NELFB: variants seen among roughly 807,000 people sequenced by gnomAD.
NELFB encodes the protein negative elongation factor complex member B.
In NELFB, 34 loss-of-function variants were observed where a neutral mutation model predicts 60.2. That is an observed-to-expected ratio of 0.56 (90% CI 0.43 to 0.75). The LOEUF (loss-of-function observed/expected upper bound fraction) is 0.75, where lower values mean the gene tolerates loss of function less well. Ranked by LOEUF, NELFB falls within the 30% of genes least tolerant of loss-of-function variation. The pLI, the probability that NELFB is intolerant of heterozygous loss-of-function variation, is 0.00. For synonymous variants in NELFB, 459 were observed against 382.1 expected (o/e 1.20, Z -2.35); for missense variants, 770 against 831.6 (o/e 0.93, Z 0.91).
At chr9:137,259,355 C>G (rs971093216) in intron 4 of NELFB, among the ~76,000 whole-genome samples, 2 of 152,244 alleles carry the variant, frequency 1.3e-5, no homozygotes, top group African/African-American at 2.4e-5. Flanking sequence ...TGGTTCCTGA[C>G]CATGTGCGTG....
Position 137,256,857 on chromosome 9 carries a change from G to T in NELFB, c.544G>T (p.Asp182Tyr). 6.2e-7 allele frequency: 1 copy of T among 1,614,192 alleles called. No individual in the cohort carries two copies. The highest frequency in any genetic ancestry group is 8.5e-7 in the Non-Finnish European group (1 of 1,180,050). The change falls in exon 4 of 13, where the codon GAC becomes TAC. Residue 182 changes from aspartate (D) to tyrosine (Y), a missense_variant. Asp to Tyr is a radical substitution (Grantham distance 160, BLOSUM62 -3). Coordinates refer to ENST00000343053, the MANE Select transcript of NELFB (RefSeq NM_015456.5). ...GAAAAAACTGAAGCTGGTTATGGCT[G>T]ACAAGGAGCTGTATCGAGCCTGCGC...
At position 137,255,484 on chromosome 9, in the gene NELFB, G is replaced by C. The variant is rs1315276380; in HGVS notation, c.119G>C (p.Ser40Thr). 2 of 1,524,774 alleles carry C rather than the reference G, an allele frequency of 1.3e-6. No homozygotes were observed. Among genetic ancestry groups the C allele is most frequent in the African/African-American group, 2.9e-5 (2 of 69,828 alleles). 94.5% of individuals were successfully genotyped at this position (1,524,774 alleles called of 1,614,324 possible). Residue 40 changes from serine (S) to threonine (T), a missense_variant, in exon 1 of 13, where the codon AGC becomes ACC. Physicochemically the swap from Ser to Thr is moderately conservative, Grantham distance 58. Coordinates refer to ENST00000343053, the MANE Select transcript of NELFB (RefSeq NM_015456.5). Reference sequence around the variant, plus strand: ...GAACGGGCTGGGGATGGGGCGCCTAGCCGGGCGGTGGCCGGGGCCTCGGCC... The same window carrying C: ...GAACGGGCTGGGGATGGGGCGCCTACCCGGGCGGTGGCCGGGGCCTCGGCC...
intron 6 of NELFB, among the ~76,000 whole-genome samples, chr9:137,265,481 C>G (rs906948117): frequency 4.3e-5 from 6 of 139,968 alleles, no homozygotes; most frequent in Admixed American, 2.5e-4. Context: ...CTCTGCCTCC[C>G]GGGTTCAAGT....
chr9:137,265,031 C>CTTTTTTTTTTTT (rs60479210), intron 6 of NELFB, among the ~76,000 whole-genome samples: 3 of 126,180 alleles, frequency 2.4e-5, no homozygotes, highest in East Asian at 2.7e-4. Context: ...TTTTTTCTTC[C>CTTTTTTTTTTTT]TTTTTTTTTT....
At chr9:137,272,684 G>A in intron 12 of NELFB, 69 bp downstream of exon 12, 1 of 1,533,004 alleles carries the variant, frequency 6.5e-7, no homozygotes, top group Non-Finnish European at 8.8e-7. Flanking sequence ...TTGCCAAGCT[G>A]CCCTTGTGGT....
chr9:137,256,295 A>G, intron 2 of NELFB, 34 bp from the exon 3 acceptor site: 1 of 1,597,976 alleles, frequency 6.3e-7, no homozygotes, highest in Non-Finnish European at 8.6e-7. Context: ...GATTTGGCGC[A>G]TCGCTGCACC....
chr9:137,255,639 C>T (rs1318963253), intron 1 of NELFB, 28 bp downstream of exon 1: 13 of 1,534,016 alleles, frequency 8.5e-6, no homozygotes, highest in African/African-American at 1.4e-5. Flanking sequence ...GCGGGGGGAG[C>T]CCAGTTGGAG....
intron 4 of NELFB, among the ~76,000 whole-genome samples, chr9:137,258,147 A>G (rs1453593851): frequency 3.7e-5 from 4 of 107,264 alleles, no homozygotes; most frequent in Non-Finnish European, 5.4e-5. Context: ...TTTTTGAGAC[A>G]GGGTCTCACT....
rs1837544501 is a variant in NELFB at position 137,255,971 on chromosome 9, C to T, written c.311C>T (p.Thr104Met). Residue 104 changes from threonine (T) to methionine (M), a missense_variant, in exon 2 of 13, where the codon ACG becomes ATG. By Grantham distance (81) the Thr-to-Met change is moderately conservative. Transcript: ENST00000343053. ...CTCCCCTTCTTGGACCTGCACGGGACGCCGCGGCTGGAGTTCCACCAGTCG... is the reference window on the plus strand; with the variant it reads ...CTCCCCTTCTTGGACCTGCACGGGATGCCGCGGCTGGAGTTCCACCAGTCG... The T allele has an allele frequency of 1.2e-6, 2 of 1,613,954 alleles. No homozygotes were observed. The highest frequency in any genetic ancestry group is 8.5e-7 in the Non-Finnish European group (1 of 1,180,010).
chr9:137,271,767 C>T (rs1830586694), intron 10 of NELFB, among the ~76,000 whole-genome samples: 1 of 151,774 alleles, frequency 6.6e-6, no homozygotes. Context: ...TCTTCCTCCA[C>T]CCTCCTCCTG....
chr9:137,259,870 G>GCGCGC (rs1313657291), intron 4 of NELFB, among the ~76,000 whole-genome samples: 45 of 148,028 alleles, frequency 3.0e-4, no homozygotes, highest in African/African-American at 1.1e-3. Context: ...GACTACAGGC[G>GCGCGC]CCTGCCACCA....
intron 6 of NELFB, among the ~76,000 whole-genome samples, chr9:137,265,248 C>A (rs2118984186): frequency 6.6e-6 from 1 of 151,286 alleles, no homozygotes; most frequent in Admixed American, 6.6e-5. Context: ...CTCAAACAAA[C>A]AATCCACCGG....
chr9:137,272,066 C>T lies in NELFB; in HGVS notation c.1490-15C>T. 1 of 1,614,098 alleles carries T rather than the reference C, an allele frequency of 6.2e-7. No individual in the cohort carries two copies. Among genetic ancestry groups the T allele is most frequent in the Non-Finnish European group, 8.5e-7 (1 of 1,179,972 alleles). ...AGGGTGAGTGGCACTGGGCTGATGC[C>T]TGCTGTGTCTGCAGTGGAGACCTTT... On this transcript the variant is annotated splice_polypyrimidine_tract_variant and intron_variant, in intron 10 of 12. Coordinates refer to ENST00000343053, the MANE Select transcript of NELFB (RefSeq NM_015456.5).
intron 2 of NELFB, 44 bp downstream of exon 2, chr9:137,256,114 C>A: frequency 6.3e-7 from 1 of 1,587,652 alleles, no homozygotes; most frequent in Non-Finnish European, 8.6e-7. Context: ...TGCAGCCGGC[C>A]TCTCAGCCTT....
chr9:137,272,972 C>G lies in NELFB; in HGVS notation c.*44C>G. 6.8e-7 allele frequency: 1 copy of G among 1,463,200 alleles called. No individual in the cohort carries two copies. The highest frequency in any genetic ancestry group is 2.6e-5 in the Admixed American group (1 of 38,430). 90.6% of individuals were successfully genotyped at this position (1,463,200 alleles called of 1,614,324 possible). A position where few individuals can be genotyped will look rare whatever the true frequency, so the allele number is the denominator to read the frequency against. ...CGGGTGCTGGGGCCATGCCGAGTCG[C>G]GGCCCTGCTCAGCCGGAAGAGGCTC... On this transcript the variant is annotated 3_prime_UTR_variant, in exon 13 of 13. Coordinates refer to ENST00000343053, the MANE Select transcript of NELFB (RefSeq NM_015456.5).
At chr9:137,270,483 G>A (rs543519469) in intron 10 of NELFB, among the ~76,000 whole-genome samples, 9 of 149,838 alleles carry the variant, frequency 6.0e-5, no homozygotes, top group Non-Finnish European at 1.2e-4. Flanking sequence ...CCAGCTACTC[G>A]GGAGGGTGAG....
intron 5 of NELFB, 117 bp from the exon 6 acceptor site, chr9:137,264,128 C>T: frequency 2.8e-6 from 2 of 725,254 alleles, no homozygotes; most frequent in South Asian, 1.7e-5. Flanking sequence ...CCTGCTGCCG[C>T]CCCCCGCAGC....
rs112232504 is a variant in NELFB at position 137,258,931 on chromosome 9, C to T, written c.741+1877C>T. ...TTCATGTGAAAGATTGGGCTGGGTA[C>T]GGTGGCTCACGCCTGTACTCCTAGT... On this transcript the variant is annotated intron_variant, in intron 4 of 12. Coordinates refer to ENST00000343053, the MANE Select transcript of NELFB (RefSeq NM_015456.5). 9.8e-4 allele frequency among the ~76,000 whole-genome samples: 149 copies of T among 152,172 alleles called. 1 individual carries two copies. The South Asian group carries it at 0.018, about 19-fold the overall frequency.
Position 137,255,401 on chromosome 9 carries a change from G to C in NELFB, c.36G>C (p.Ser12=). The C allele has an allele frequency of 1.1e-6, 1 of 892,266 alleles. No homozygotes were observed. The highest frequency in any genetic ancestry group is 1.5e-6 in the Non-Finnish European group (1 of 656,746). The allele number at this position is 892,266 out of a possible 1,614,324, so 55.3% of individuals were successfully genotyped here. Reference sequence around the variant, plus strand: ...TGGAGGGCGCCGGGGAGCGGGGCTCGGGCGGTCCCCGAGGCCCGGCGGAGC... The same window carrying C: ...TGGAGGGCGCCGGGGAGCGGGGCTCCGGCGGTCCCCGAGGCCCGGCGGAGC... The change falls in exon 1 of 13, where the codon TCG becomes TCC. Residue 12 remains serine (S), a synonymous_variant. Coordinates refer to ENST00000343053, the MANE Select transcript of NELFB (RefSeq NM_015456.5).
Sources: gnomAD v4.1 joint callset for allele counts (sites outside exome capture counted in the v4.1 genomes callset) on GRCh38, gnomAD v4.1.1 for gene constraint, MANE v1.5 for transcripts, NCBI Gene and HGNC (gene_info 2026-07-23, HGNC 2026-07-21) for gene names.